The following TGFBR1 variants were observed in gnomAD, a reference collection of about 807,000 sequenced individuals.
The protein encoded by TGFBR1 is transforming growth factor beta receptor 1.
Under a neutral mutation model 55.1 loss-of-function variants are expected in TGFBR1, and 20 were observed. That is an observed-to-expected ratio of 0.36 (90% CI 0.26 to 0.53). The LOEUF is 0.53. Ranked by LOEUF, TGFBR1 falls within the 20% of genes least tolerant of loss-of-function variation. TGFBR1 has a pLI of 0.91. For synonymous variants in TGFBR1, 220 were observed against 214.8 expected (o/e 1.02, Z -0.21); for missense variants, 385 against 617.6 (o/e 0.62, Z 3.99).
At chr9:99,122,306 G>A (rs1714608293) in intron 1 of TGFBR1, among the ~76,000 whole-genome samples, 1 of 152,128 alleles carries the variant, frequency 6.6e-6, no homozygotes, top group Non-Finnish European at 1.5e-5. Flanking sequence ...TAACAAGGGT[G>A]ATAGAAATAT....
intron 3 of TGFBR1, among the ~76,000 whole-genome samples, chr9:99,133,589 A>G (rs538033557): frequency 6.6e-6 from 1 of 152,328 alleles, no homozygotes; most frequent in Admixed American, 6.5e-5. Flanking sequence ...AAGCTTTGTC[A>G]TTGATTGGCT....
chr9:99,107,896 C>T (rs1173286973), intron 1 of TGFBR1, among the ~76,000 whole-genome samples: 4 of 152,276 alleles, frequency 2.6e-5, no homozygotes, highest in African/African-American at 9.6e-5. Flanking sequence ...AAGTTCTCAG[C>T]CCTGACTTCC....
intron 1 of TGFBR1, among the ~76,000 whole-genome samples, chr9:99,111,689 A>G (rs1400569706): frequency 1.3e-5 from 2 of 152,160 alleles, no homozygotes; most frequent in Non-Finnish European, 2.9e-5. Flanking sequence ...CTATTTCAGC[A>G]GTTTATGAAA....
chr9:99,104,830 G>C (rs10819636), upstream of TGFBR1, among the ~76,000 whole-genome samples: 1 of 152,114 alleles, frequency 6.6e-6, no homozygotes, highest in Non-Finnish European at 1.5e-5. Context: ...CGGCTGAGCG[G>C]TGCTGGGGCT....
At chr9:99,139,224 A>C (rs1376665855) in intron 4 of TGFBR1, among the ~76,000 whole-genome samples, 1 of 151,748 alleles carries the variant, frequency 6.6e-6, no homozygotes, top group African/African-American at 2.4e-5. Context: ...TGCTGTCATT[A>C]TCTCTTAGCT....
intron 1 of TGFBR1, among the ~76,000 whole-genome samples, chr9:99,117,990 A>G (rs948218177): frequency 6.6e-6 from 1 of 152,198 alleles, no homozygotes; most frequent in African/African-American, 2.4e-5. Flanking sequence ...AATACATTTT[A>G]AAATTTTATT....
Position 99,132,592 on chromosome 9 carries a change from T to C in TGFBR1, c.427T>C (p.Leu143=). Residue 143 remains leucine (L), a synonymous_variant, in exon 3 of 9, where the codon TTG becomes CTG. Transcript: ENST00000374994. ...GTGCTTCGTCTGCATCTCACTCATG[T>C]TGATGGTCTATATCTGCCACAACCG... ...PVCFVCISLM[L]MVYICHNRTV... is the part of the protein sequence containing the mutation. 6.2e-7 allele frequency: 1 copy of C among 1,614,212 alleles called. No homozygotes were observed.
chr9:99,119,868 A>T, intron 1 of TGFBR1, among the ~76,000 whole-genome samples: 1 of 152,320 alleles, frequency 6.6e-6, no homozygotes, highest in African/African-American at 2.4e-5. Context: ...TTGTATATGC[A>T]TATGGTTTAT....
At chr9:99,143,717 C>G (rs1827698674) in intron 5 of TGFBR1, among the ~76,000 whole-genome samples, 1 of 151,862 alleles carries the variant, frequency 6.6e-6, no homozygotes, top group African/African-American at 2.4e-5. Context: ...TTTTAGAATA[C>G]TCAGAGTTGT....
rs200511345 is a variant in TGFBR1, at chr9:99,142,543, T to C, written c.813T>C (p.Gly271=). The C allele has an allele frequency of 2.5e-5, 41 of 1,613,910 alleles. No homozygotes were observed. The highest frequency in any genetic ancestry group is 3.3e-5 in the Non-Finnish European group (39 of 1,179,924). ...GTTAATTCTGTTTTACAGACAATGG[T>C]ACTTGGACTCAGCTCTGGTTGGTGT... ...GFIAADNKDN[G]TWTQLWLVSD... Residue 271 remains glycine (G), a synonymous_variant, in exon 5 of 9, where the codon GGT becomes GGC. Coordinates refer to ENST00000374994, the MANE Select transcript of TGFBR1 (RefSeq NM_004612.4).
intron 2 of TGFBR1, among the ~76,000 whole-genome samples, chr9:99,130,541 C>T (rs966167611): frequency 2.6e-5 from 4 of 152,130 alleles, no homozygotes; most frequent in Non-Finnish European, 5.9e-5. Flanking sequence ...CCAGAATTTC[C>T]CATTTCCATC....
intron 2 of TGFBR1, among the ~76,000 whole-genome samples, chr9:99,129,851 A>G (rs967735259): frequency 4.6e-5 from 7 of 152,140 alleles, no homozygotes; most frequent in Non-Finnish European, 8.8e-5. Flanking sequence ...GTGAGCCAAG[A>G]TTGTGCCACT....
chr9:99,116,479 A>G (rs1826746202), intron 1 of TGFBR1, among the ~76,000 whole-genome samples: 1 of 152,234 alleles, frequency 6.6e-6, no homozygotes, highest in Non-Finnish European at 1.5e-5. Flanking sequence ...GGAAAATCTT[A>G]TGGAAGAAAT....
intron 4 of TGFBR1, among the ~76,000 whole-genome samples, chr9:99,139,422 CTTTT>C (rs1564163890): frequency 6.6e-6 from 1 of 151,844 alleles, no homozygotes; most frequent in Non-Finnish European, 1.5e-5. Flanking sequence ...TTGTTATTGA[CTTTT>C]ATTTGTAGAA....
chr9:99,125,893 A>G (rs1381995251), intron 1 of TGFBR1, among the ~76,000 whole-genome samples: 1 of 152,224 alleles, frequency 6.6e-6, no homozygotes, highest in Non-Finnish European at 1.5e-5. Flanking sequence ...CTAAGGAGCC[A>G]GGATTCAGAG....
intron 2 of TGFBR1, 27 bp downstream of exon 2, chr9:99,129,127 G>A (rs2118577622): frequency 6.2e-7 from 1 of 1,610,050 alleles, no homozygotes; most frequent in Non-Finnish European, 8.5e-7. Context: ...TTTTTTCCTA[G>A]ATACTACAAG....
At position 99,150,923 on chromosome 9, in the gene TGFBR1, C is replaced by T. The variant is rs1827963287; in HGVS notation, c.*1618C>T. The T allele has an allele frequency of 4.5e-6, 1 of 223,856 alleles. No homozygotes were observed. The highest frequency in any genetic ancestry group is 8.9e-6 in the Non-Finnish European group (1 of 111,776). The allele number at this position is 223,856 out of a possible 1,614,324, so 13.9% of individuals were successfully genotyped here. On this transcript the variant is annotated 3_prime_UTR_variant, in exon 9 of 9. Transcript: ENST00000374994. The stretch of plus-strand genomic sequence containing the variant: ...TACAGTTTTCGAAGTCCTTTTATCA[C>T]TGTGATCTTATTCTGAGGGGAGAAA...
chr9:99,134,802 T>TTA lies in TGFBR1; in HGVS notation c.574+2113_574+2114dup, dbSNP rs10625219. On this transcript the variant is annotated intron_variant, in intron 3 of 8. Coordinates refer to ENST00000374994, the MANE Select transcript of TGFBR1 (RefSeq NM_004612.4). ...AAACAATGGAATAATTCTGTTTCCA[T>TTA]TATATATATATATATATATATATAT... Among the ~76,000 whole-genome samples, 262 of 41,228 alleles carry TTA rather than the reference T, an allele frequency of 6.4e-3. 6 individuals are homozygous for TTA. The highest frequency in any genetic ancestry group is 0.01 in the African/African-American group (84 of 8,384). 27.0% of individuals were successfully genotyped at this position (41,228 alleles called of 152,430 possible).
rs11568811 is a variant in TGFBR1 at position 99,150,733 on chromosome 9, G to C, written c.*1428G>C. On this transcript the variant is annotated 3_prime_UTR_variant, in exon 9 of 9. Transcript: ENST00000374994. Reference sequence around the variant, plus strand: ...TTCAGTGCACCCTTGTTACTTGGGAGAGGTGGTAGCTAAAGAACATTCTGA... The same window carrying C: ...TTCAGTGCACCCTTGTTACTTGGGACAGGTGGTAGCTAAAGAACATTCTGA... 2,143 of 213,558 alleles carry C rather than the reference G, an allele frequency of 0.01. 16 individuals are homozygous for C. Among genetic ancestry groups the C allele is most frequent in the East Asian group, 0.036 (510 of 14,226 alleles). The allele number at this position is 213,558 out of a possible 1,614,324, so 13.2% of individuals were successfully genotyped here. A position where few individuals can be genotyped will look rare whatever the true frequency, so the allele number is the denominator to read the frequency against.
Sources: gnomAD v4.1 joint callset for allele counts (sites outside exome capture counted in the v4.1 genomes callset) on GRCh38, gnomAD v4.1.1 for gene constraint, MANE v1.5 for transcripts, NCBI Gene and HGNC (gene_info 2026-07-23, HGNC 2026-07-21) for gene names.